Variants in ANK1 observed in about 807,000 individuals in gnomAD.
The protein encoded by ANK1 is ankyrin 1, also known as ankyrin-1.
In ANK1, 51 loss-of-function variants were observed where a neutral mutation model predicts 210.4. The observed-to-expected ratio is 0.24, with a 90% CI of 0.19 to 0.31. ANK1 has a LOEUF of 0.31. ANK1 is among the 10% of genes least tolerant of loss of function. The pLI, the probability that ANK1 is intolerant of heterozygous loss-of-function variation, is 1.00. For synonymous variants in ANK1, 967 were observed against 1,025.9 expected, an observed-to-expected ratio of 0.94 and a Z score of 1.10; for missense variants, 2,051 against 2,504.4, an observed-to-expected ratio of 0.82 and a Z score of 3.86.
chr8:41,855,911 G>C (rs1281881567), intron 1 of ANK1, among the ~76,000 whole-genome samples: 1 of 152,084 alleles, frequency 6.6e-6, no homozygotes, highest in African/African-American at 2.4e-5. Context: ...GGAGACTGCA[G>C]TCCCTGTGGA....
In ANK1 at chr8:41,797,293, TA is replaced by T. The variant is rs1848930752; in HGVS notation, c.27+218del. On this transcript the variant is annotated intron_variant, in intron 1 of 42. Transcript: ENST00000289734. This position sits in a 1 kb window ranked among gnomAD's most constrained non-coding sequence, Gnocchi z 4.0. ...CAATTTGACAGCAAATCTCTGGATG[TA>T]AAAAATATGAAACTGGCTTCAGCGA... Among the ~76,000 whole-genome samples, 1 of 152,190 alleles carries T rather than the reference TA, an allele frequency of 6.6e-6. No individual in the cohort carries two copies. Among genetic ancestry groups the T allele is most frequent in the South Asian group, 2.1e-4 (1 of 4,834 alleles).
At chr8:41,675,033 G>A (rs1046584676) in intron 37 of ANK1, among the ~76,000 whole-genome samples, 1 of 152,208 alleles carries the variant, frequency 6.6e-6, no homozygotes, top group African/African-American at 2.4e-5. Flanking sequence ...GGGGTCAACT[G>A]ATGATTATTT....
intron 1 of ANK1, among the ~76,000 whole-genome samples, chr8:41,821,632 G>T (rs917559542): frequency 6.6e-6 from 1 of 152,148 alleles, no homozygotes; most frequent in Non-Finnish European, 1.5e-5. Flanking sequence ...CTTCCTCCTG[G>T]TGAACCCATG....
At chr8:41,854,709 AGAG>A (rs1480309424) in intron 1 of ANK1, among the ~76,000 whole-genome samples, 1 of 152,198 alleles carries the variant, frequency 6.6e-6, no homozygotes, top group African/African-American at 2.4e-5. Context: ...GGAGGCCAAC[AGAG>A]GAGGGTGACT....
At chr8:41,699,402 C>A (rs763019472) in intron 23 of ANK1, 50 bp downstream of exon 23, 1 of 1,548,356 alleles carries the variant, frequency 6.5e-7, no homozygotes, top group African/African-American at 1.4e-5. Context: ...CTCTGAGCCA[C>A]AGGGTTGCAT....
At chr8:41,748,117 C>T (rs982345156) in intron 2 of ANK1, among the ~76,000 whole-genome samples, 3 of 152,184 alleles carry the variant, frequency 2.0e-5, no homozygotes, top group Non-Finnish European at 4.4e-5. Flanking sequence ...TCGCAGGTAC[C>T]AGGTGCCAGG....
At chr8:41,896,247 C>T in intron 1 of ANK1, 1 of 1,382,256 alleles carries the variant, frequency 7.2e-7, no homozygotes, top group African/African-American at 1.5e-5. Flanking sequence ...GCCAACTCCG[C>T]CGCACCGGGC....
intron 2 of ANK1, among the ~76,000 whole-genome samples, chr8:41,750,285 C>T (rs569144967): frequency 6.6e-6 from 1 of 152,304 alleles, no homozygotes; most frequent in African/African-American, 2.4e-5. Flanking sequence ...CATGGTTTCA[C>T]GTGCTTTCCT....
chr8:41,696,487 G>C lies in ANK1; in HGVS notation c.2836C>G (p.Pro946Ala). ...ACCAGGCGGCAGGTGATGCGGGTGG[G>C]CGCTGCGCACGTCCGTGGCGGGATC... ...VVIPPRTCAAPTRITCRLVKP... is the reference protein window; with the variant it reads ...VVIPPRTCAAATRITCRLVKP... Residue 946 changes from proline to alanine, a missense_variant, in exon 26 of 43, where the codon CCC (proline) becomes GCC (alanine). This residue lies in a region of ANK1 where 1,413 missense variants were observed against 1,707.4 expected (regional missense o/e 0.83). Coordinates refer to ENST00000289734, the MANE Select transcript of ANK1 (RefSeq NM_000037.4). 6.2e-7 allele frequency: 1 copy of C among 1,613,456 alleles called. No individual in the cohort carries two copies. Among genetic ancestry groups the C allele is most frequent in the Non-Finnish European group, 8.5e-7 (1 of 1,179,982 alleles).
intron 1 of ANK1, among the ~76,000 whole-genome samples, chr8:41,780,921 G>T (rs1313561075): frequency 1.3e-5 from 2 of 151,646 alleles, no homozygotes; most frequent in African/African-American, 4.9e-5. Context: ...AGGGTTGGGG[G>T]AGAGGATGAC....
At chr8:41,826,644 A>G (rs898897151) in intron 1 of ANK1, among the ~76,000 whole-genome samples, 1 of 152,346 alleles carries the variant, frequency 6.6e-6, no homozygotes, top group Non-Finnish European at 1.5e-5. Flanking sequence ...AAAAAGTAAA[A>G]AGAGGAAACT....
chr8:41,880,532 T>C (rs1165653963), intron 1 of ANK1, among the ~76,000 whole-genome samples: 1 of 152,202 alleles, frequency 6.6e-6, no homozygotes, highest in African/African-American at 2.4e-5. Flanking sequence ...GAGTAGGTTG[T>C]CTTTGAACTA....
At position 41,694,916 on chromosome 8, in the gene ANK1, G is replaced by A. The variant is rs1050533508; in HGVS notation, c.3116-113C>T. 1.5e-4 allele frequency: 178 copies of A among 1,212,070 alleles called. 2 individuals are homozygous for A. The Middle Eastern group carries it at 2.6e-3, about 18-fold the overall frequency. 75.1% of individuals were successfully genotyped at this position (1,212,070 alleles called of 1,614,324 possible). On this transcript the variant is annotated intron_variant, in intron 27 of 42. Transcript: ENST00000289734. The surrounding 1 kb of genome is among the most constrained non-coding windows in gnomAD (Gnocchi z 5.7). ...GACCCAGTGCACACACCCTCCCCAGGTGCCGGGCGGCATAGTGGCCAGAAG... is the reference window on the plus strand; with the variant it reads ...GACCCAGTGCACACACCCTCCCCAGATGCCGGGCGGCATAGTGGCCAGAAG...
chr8:41,858,590 A>C (rs62508234), intron 1 of ANK1, among the ~76,000 whole-genome samples: 35,389 of 152,102 alleles, frequency 0.23, 5,559 homozygotes, highest in East Asian at 0.65. Context: ...GCACAGCCGC[A>C]GGGAGCCCAC....
chr8:41,668,966 C>G (rs1811414170), intron 38 of ANK1, among the ~76,000 whole-genome samples: 1 of 152,120 alleles, frequency 6.6e-6, no homozygotes, highest in African/African-American at 2.4e-5. Context: ...CAGTCCTCAT[C>G]TGACAAGGTG....
chr8:41,869,736 C>T (rs74943449), intron 1 of ANK1, among the ~76,000 whole-genome samples: 10,133 of 152,200 alleles, frequency 0.067, 536 homozygotes, highest in East Asian at 0.23. Context: ...TCTGGACATC[C>T]GCATGCTCCA....
Position 41,868,119 on chromosome 8 carries a change from G to A in ANK1, c.126+28236C>T, listed in dbSNP as rs564383038. Reference sequence around the variant, plus strand: ...GGTGATCCACCAGCCTTGGCCTCCCGAAGTGCTGGAATTACAGGCATGAGC... The same window carrying A: ...GGTGATCCACCAGCCTTGGCCTCCCAAAGTGCTGGAATTACAGGCATGAGC... On this transcript the variant is annotated intron_variant, in intron 1 of 42. Transcript: ENST00000265709. Among the ~76,000 whole-genome samples, 62 of 152,322 alleles carry A rather than the reference G, an allele frequency of 4.1e-4. 1 individual carries two copies. The highest frequency in any genetic ancestry group is 1.0e-3 in the Admixed American group (16 of 15,300).
intron 1 of ANK1, among the ~76,000 whole-genome samples, chr8:41,879,962 C>A (rs985238121): frequency 6.6e-6 from 1 of 152,198 alleles, no homozygotes; most frequent in African/African-American, 2.4e-5. Context: ...CGTGGGAATG[C>A]AAAGGGAACC....
Position 41,706,176 on chromosome 8 carries a change from G to C in ANK1, c.2064C>G (p.Ile688Met). Residue 688 changes from isoleucine (I) to methionine (M), a missense_variant, in exon 18 of 43, where the codon ATC (isoleucine) becomes ATG (methionine). Ile to Met is a conservative substitution (Grantham distance 10). Around this residue, in one of 6 missense-constraint regions of ANK1, gnomAD observed 1,413 missense variants for 1,707.4 expected, o/e 0.83. Transcript: ENST00000289734. ...TGGCGTCCACCATGACGCCGTGTTT[G>C]ATCAGCACATCTGCCACTGGAACGT... ...EGHVPVADVL[I>M]KHGVMVDATT... is the part of the protein sequence containing the mutation. 1.2e-6 allele frequency: 2 copies of C among 1,614,074 alleles called. No individual in the cohort carries two copies. Among genetic ancestry groups the C allele is most frequent in the South Asian group, 1.1e-5 (1 of 91,062 alleles).
Sources: allele counts gnomAD v4.1 joint callset (sites outside exome capture counted in the v4.1 genomes callset), GRCh38; gene constraint gnomAD v4.1.1; regional missense constraint gnomAD v4.1.1; non-coding constraint Gnocchi (gnomAD v3.1); transcripts MANE v1.5; gene names NCBI Gene and HGNC (gene_info 2026-07-23, HGNC 2026-07-21).